Variants in KDM4B observed in about 807,000 individuals in gnomAD.
The protein encoded by KDM4B is lysine demethylase 4B.
KDM4B carries 32 observed loss-of-function variants against 125.2 expected under a neutral mutation model. The ratio of observed to expected loss-of-function variants is 0.26; its 90% CI spans 0.19 to 0.34. KDM4B has a LOEUF of 0.34. Among genes scored for constraint, KDM4B ranks in the 10% least tolerant of loss-of-function variants. KDM4B has a pLI of 1.00. For synonymous variants in KDM4B, 721 were observed against 677.9 expected (o/e 1.06, Z -0.99); for missense variants, 1,190 against 1,577.7 (o/e 0.75, Z 4.16).
intron 3 of KDM4B, among the ~76,000 whole-genome samples, chr19:5,034,515 C>G (rs189862943): frequency 6.6e-6 from 1 of 152,172 alleles, no homozygotes; most frequent in Non-Finnish European, 1.5e-5. Flanking sequence ...TTTTTCTTTT[C>G]CCCCAACCAC....
rs754654270 is a variant in KDM4B at position 5,144,877 on chromosome 19, C to G, written c.2996C>G (p.Ser999Cys). Residue 999 changes from serine (S) to cysteine (C), a missense_variant, in exon 21 of 23, where the codon TCC (serine) becomes TGC (cysteine). This residue lies in a region of KDM4B where 298 missense variants were observed against 439.7 expected (regional missense o/e 0.68). Coordinates refer to ENST00000159111, the MANE Select transcript of KDM4B (RefSeq NM_015015.3). ...DGNLYKAKFI[S>C]SVTSHIYQVE... Reference sequence around the variant, plus strand: ...AACCTCTACAAGGCCAAGTTCATCTCCTCCGTCACCAGCCACATCTACCAG... The same window carrying G: ...AACCTCTACAAGGCCAAGTTCATCTGCTCCGTCACCAGCCACATCTACCAG... The G allele has an allele frequency of 6.2e-7, 1 of 1,612,770 alleles. No homozygotes were observed. The highest frequency in any genetic ancestry group is 2.2e-5 in the East Asian group (1 of 44,858).
intron 6 of KDM4B, among the ~76,000 whole-genome samples, chr19:5,052,975 G>A (rs374865198): frequency 1.2e-4 from 19 of 152,346 alleles, no homozygotes; most frequent in African/African-American, 4.1e-4. Context: ...CCTCCCAGCC[G>A]CTTTGCTCTG....
At chr19:5,086,469 C>G (rs2038501269) in intron 9 of KDM4B, among the ~76,000 whole-genome samples, 3 of 152,334 alleles carry the variant, frequency 2.0e-5, no homozygotes, top group African/African-American at 7.2e-5. Flanking sequence ...AAATGAGCAG[C>G]CTGTGCACAG....
chr19:5,122,640 G>A (rs1198304186), intron 11 of KDM4B, among the ~76,000 whole-genome samples: 1 of 152,238 alleles, frequency 6.6e-6, no homozygotes, highest in African/African-American at 2.4e-5. Flanking sequence ...CTTTAAGAAA[G>A]TGAGAAGACA....
intron 9 of KDM4B, among the ~76,000 whole-genome samples, chr19:5,105,586 C>T (rs1369590125): frequency 6.6e-6 from 1 of 152,186 alleles, no homozygotes; most frequent in Non-Finnish European, 1.5e-5. Context: ...GCGTGCACCA[C>T]CACACTCACC....
At position 5,104,098 on chromosome 19, in the gene KDM4B, G is replaced by C. The variant is rs376551716; in HGVS notation, c.919-6524G>C. ...TCCTGTGGCTGCTGGGTGGGTGGCA[G>C]GGAGGCTGGCCGAATCCCTGGCCAA... On this transcript the variant is annotated intron_variant, in intron 9 of 22. Transcript: ENST00000159111. Among the ~76,000 whole-genome samples, 20 of 152,312 alleles carry C rather than the reference G, an allele frequency of 1.3e-4. No homozygotes were observed. In the East Asian group the frequency reaches 2.7e-3, roughly 21 times the overall value.
intron 1 of KDM4B, among the ~76,000 whole-genome samples, chr19:4,981,754 A>G (rs2034651110): frequency 6.6e-6 from 1 of 152,080 alleles, no homozygotes; most frequent in African/African-American, 2.4e-5. Context: ...CCCTGTGGGG[A>G]CAGTGATGTG....
chr19:4,992,082 C>G (rs540213040), intron 1 of KDM4B, among the ~76,000 whole-genome samples: 21 of 152,188 alleles, frequency 1.4e-4, no homozygotes, highest in Admixed American at 5.9e-4. Flanking sequence ...TTGCCAGGGC[C>G]TGGGGGCGAC....
intron 1 of KDM4B, among the ~76,000 whole-genome samples, chr19:5,005,232 G>GTA: frequency 6.6e-6 from 1 of 151,568 alleles, no homozygotes; most frequent in Non-Finnish European, 1.5e-5. Context: ...TGGTGGCCAG[G>GTA]TGGCACAAGT....
In KDM4B at chr19:5,039,976, A is replaced by G; in HGVS notation, c.282A>G (p.Thr94=). 4 of 1,612,264 alleles carry G rather than the reference A, an allele frequency of 2.5e-6. No homozygotes were observed. The highest frequency in any genetic ancestry group is 2.2e-5 in the South Asian group (2 of 91,058). ...TQYNIQKKAM[T]VGEYRRLANS... is the part of the protein sequence containing the mutation. The stretch of plus-strand genomic sequence containing the variant: ...ACAATATCCAGAAGAAGGCCATGAC[A>G]GTGGGCGAGTACCGCCGCCTGGCCA... Residue 94 remains threonine (T), a synonymous_variant, in exon 4 of 23, where the codon ACA becomes ACG. Transcript: ENST00000159111.
chr19:5,033,088 G>C, intron 3 of KDM4B, 57 bp downstream of exon 3: 2 of 1,583,858 alleles, frequency 1.3e-6, no homozygotes, highest in Non-Finnish European at 1.7e-6. Context: ...GCGGGCCTGC[G>C]GACATCCTGG....
chr19:5,137,819 C>A, intron 17 of KDM4B, 143 bp downstream of exon 17: 1 of 1,051,784 alleles, frequency 9.5e-7, no homozygotes, highest in Non-Finnish European at 1.4e-6. Flanking sequence ...GTGGCCAGGG[C>A]TGAGGAGGAG....
At chr19:5,043,575 G>C (rs1472948190) in intron 5 of KDM4B, among the ~76,000 whole-genome samples, 1 of 148,402 alleles carries the variant, frequency 6.7e-6, no homozygotes, top group Non-Finnish European at 1.5e-5. Context: ...ATCCTGTGTG[G>C]TGTTTATCAG....
At position 5,115,663 on chromosome 19, in the gene KDM4B, G is replaced by A. The variant is rs568536930; in HGVS notation, c.1116-3990G>A. ...GCACAGCAAAGAAGGGCAGAGCTCC[G>A]AGGAAAGAGGATGCAGTGAGTGCAG... On this transcript the variant is annotated intron_variant, in intron 10 of 22. Coordinates refer to ENST00000159111, the MANE Select transcript of KDM4B (RefSeq NM_015015.3). The surrounding 1 kb of genome is among the most constrained non-coding windows in gnomAD (Gnocchi z 4.2). Among the ~76,000 whole-genome samples the A allele has an allele frequency of 2.7e-4, 41 of 152,370 alleles. No individual in the cohort carries two copies. The highest frequency in any genetic ancestry group is 2.6e-4 in the Non-Finnish European group (18 of 68,040).
At position 5,131,564 on chromosome 19, in the gene KDM4B, G is replaced by A. The variant is rs1422361619; in HGVS notation, c.1785+19G>A. On this transcript the variant is annotated intron_variant, in intron 12 of 22. Transcript: ENST00000159111. ...GGGGCAGGTGGGGTGGAGCGGGGGA[G>A]GCAGGGAGGAGGGGGGCAGGTGGGG... 9.2e-7 allele frequency: 1 copy of A among 1,082,264 alleles called. No homozygotes were observed. Among genetic ancestry groups the A allele is most frequent in the Non-Finnish European group, 1.3e-6 (1 of 770,922 alleles). The allele number at this position is 1,082,264 out of a possible 1,614,324, so 67.0% of individuals were successfully genotyped here.
At chr19:4,980,615 G>A (rs1442227364) in intron 1 of KDM4B, among the ~76,000 whole-genome samples, 6 of 151,694 alleles carry the variant, frequency 4.0e-5, no homozygotes, top group Admixed American at 6.6e-5. Context: ...GTAGAGATGG[G>A]GTTTCACCAT....
intron 15 of KDM4B, 136 bp downstream of exon 15, chr19:5,135,697 C>G (rs1373711920): frequency 2.8e-6 from 2 of 707,324 alleles, no homozygotes; most frequent in African/African-American, 3.6e-5. Flanking sequence ...AGGGCCAGGG[C>G]AGGGGCCTCC....
intron 1 of KDM4B, among the ~76,000 whole-genome samples, chr19:4,976,480 A>ACGTCGAGCCG: frequency 6.6e-6 from 1 of 152,314 alleles, no homozygotes; most frequent in East Asian, 1.9e-4. Flanking sequence ...CGTCAGAAGC[A>ACGTCGAGCCG]CGTCGAGCCG....
intron 1 of KDM4B, among the ~76,000 whole-genome samples, chr19:5,005,484 G>A (rs2035527859): frequency 1.3e-5 from 2 of 152,124 alleles, no homozygotes; most frequent in South Asian, 2.1e-4. Context: ...AAGACCCCAC[G>A]ATGAGGGTGT....
Sources: gnomAD v4.1 joint callset for allele counts (sites outside exome capture counted in the v4.1 genomes callset) on GRCh38, gnomAD v4.1.1 for gene constraint, gnomAD v4.1.1 regional missense constraint, Gnocchi (gnomAD v3.1) non-coding constraint, MANE v1.5 for transcripts, NCBI Gene and HGNC (gene_info 2026-07-23, HGNC 2026-07-21) for gene names.